The following SRPRB variants were observed in gnomAD, a reference collection of about 807,000 sequenced individuals.
SRPRB encodes SRP receptor subunit beta, also known as signal recognition particle receptor subunit beta.
Under a neutral mutation model 31.9 loss-of-function variants are expected in SRPRB, and 20 were observed. The ratio of observed to expected loss-of-function variants is 0.63; its 90% CI spans 0.44 to 0.91. The LOEUF (loss-of-function observed/expected upper bound fraction) is 0.91, where lower values mean the gene tolerates loss of function less well. SRPRB is among the 40% of genes least tolerant of loss of function. SRPRB has a pLI of 0.00. For synonymous variants in SRPRB, 146 were observed against 132.8 expected (o/e 1.10, Z -0.68); for missense variants, 321 against 324.9 (o/e 0.99, Z 0.09).
rs796412677 is a variant in SRPRB at position 133,809,488 on chromosome 3, GT to G, written c.328-1619del. On this transcript the variant is annotated intron_variant, in intron 3 of 6. Coordinates refer to ENST00000678299, the MANE Select transcript of SRPRB (RefSeq NM_001379313.1). ...TTTTAAATATCTTAGCGATATCTTTGTTTTTTTTTTCAATGATGACACTCTT... is the reference window on the plus strand; with the variant it reads ...TTTTAAATATCTTAGCGATATCTTTGTTTTTTTTTCAATGATGACACTCTT... 3.1e-3 allele frequency among the ~76,000 whole-genome samples: 452 copies of G among 147,932 alleles called. 1 individual carries two copies. The highest frequency in any genetic ancestry group is 5.2e-3 in the Non-Finnish European group (348 of 66,624).
chr3:133,805,756 GA>G (rs1935139164), upstream of SRPRB: 1 of 1,483,426 alleles, frequency 6.7e-7, no homozygotes, highest in Non-Finnish European at 9.0e-7. Flanking sequence ...TATGGCTTAG[GA>G]ACCACCATTC....
chr3:133,797,559 T>A (rs1934995692), intron 1 of SRPRB, among the ~76,000 whole-genome samples: 1 of 152,182 alleles, frequency 6.6e-6, no homozygotes, highest in African/African-American at 2.4e-5. Flanking sequence ...TTTTTGTGGT[T>A]GGTGTTATTT....
intron 5 of SRPRB, 85 bp from the exon 6 acceptor site, chr3:133,816,793 A>G (rs2107975008): frequency 9.5e-7 from 1 of 1,049,786 alleles, no homozygotes; most frequent in Non-Finnish European, 1.4e-6. Flanking sequence ...ACTGGTTTAA[A>G]TAGGAATTTT....
intron 6 of SRPRB, 70 bp downstream of exon 6, chr3:133,817,002 T>C: frequency 8.0e-7 from 1 of 1,249,146 alleles, no homozygotes; most frequent in Admixed American, 2.2e-5. Flanking sequence ...CATATTCATG[T>C]TTCTTTTGTT....
chr3:133,806,181 A>G (rs1268214764), intron 1 of SRPRB, among the ~76,000 whole-genome samples, 179 bp downstream of exon 1: 1 of 152,084 alleles, frequency 6.6e-6, no homozygotes, highest in Non-Finnish European at 1.5e-5. Flanking sequence ...GCTGGGCGTT[A>G]AGGGGGATGC....
chr3:133,787,719 T>C (rs1257181311), intron 1 of SRPRB: 1 of 152,206 alleles, frequency 6.6e-6, no homozygotes, highest in Non-Finnish European at 1.5e-5. Context: ...AATTTCAGTT[T>C]ATCCATTGCC....
chr3:133,819,890 A>T lies in SRPRB; in HGVS notation c.*124A>T. ...GTTAGAAACATTTCTTTGTTCTGGAAACAAAGTACTGTTGAAACCAGCTTG... is the reference window on the plus strand; with the variant it reads ...GTTAGAAACATTTCTTTGTTCTGGATACAAAGTACTGTTGAAACCAGCTTG... On this transcript the variant is annotated 3_prime_UTR_variant, in exon 7 of 7. Coordinates refer to ENST00000678299, the MANE Select transcript of SRPRB (RefSeq NM_001379313.1). 1 of 921,824 alleles carries T rather than the reference A, an allele frequency of 1.1e-6. No homozygotes were observed. The highest frequency in any genetic ancestry group is 1.6e-6 in the Non-Finnish European group (1 of 619,734). The allele number at this position is 921,824 out of a possible 1,614,324, so 57.1% of individuals were successfully genotyped here.
rs747452809 is a variant in SRPRB at position 133,805,973 on chromosome 3, T to G, written c.125T>G (p.Val42Gly). The change falls in exon 1 of 7, where the codon GTG becomes GGG. Residue 42 changes from valine (V) to glycine (G), a missense_variant. Coordinates refer to ENST00000678299, the MANE Select transcript of SRPRB (RefSeq NM_001379313.1). ...GACCCAACGCTGTTGTCAGTAGTGG[T>G]GGCGGTTCTTGCGGTGCTGCTGACG... The part of the protein sequence containing the change: ...QTDPTLLSVV[V>G]AVLAVLLTLV... 1.9e-6 allele frequency: 3 copies of G among 1,613,182 alleles called. No homozygotes were observed. The highest frequency in any genetic ancestry group is 3.3e-5 in the Admixed American group (2 of 59,950).
intron 1 of SRPRB, chr3:133,787,566 T>G (rs1330352402): frequency 6.6e-6 from 1 of 152,222 alleles, no homozygotes; most frequent in Non-Finnish European, 1.5e-5. Flanking sequence ...TTTTTGTAAA[T>G]AGCTTTTAAA....
intron 2 of SRPRB, among the ~76,000 whole-genome samples, chr3:133,807,225 C>G (rs1935178315): frequency 6.7e-6 from 1 of 149,102 alleles, no homozygotes; most frequent in Non-Finnish European, 1.5e-5. Context: ...TAAATTATTT[C>G]CCTTCCATTA....
intron 4 of SRPRB, among the ~76,000 whole-genome samples, chr3:133,814,239 C>G (rs1027604937): frequency 6.6e-5 from 10 of 151,022 alleles, no homozygotes; most frequent in African/African-American, 2.4e-4. Context: ...TTACGCCATT[C>G]TCCTGCCTCA....
chr3:133,814,296 TA>T (rs1324275681), intron 4 of SRPRB, among the ~76,000 whole-genome samples: 1 of 152,086 alleles, frequency 6.6e-6, no homozygotes, highest in Non-Finnish European at 1.5e-5. Context: ...CACACCAAGC[TA>T]ATTTTTTGTA....
intron 3 of SRPRB, 160 bp from the exon 4 acceptor site, chr3:133,810,957 T>A (rs1576382997): frequency 1.6e-6 from 1 of 610,882 alleles, no homozygotes; most frequent in East Asian, 3.2e-5. Context: ...CACTGTTACA[T>A]CCCCAGAACG....
At chr3:133,786,582 T>C (rs1934693059) in intron 1 of SRPRB, 1 of 152,248 alleles carries the variant, frequency 6.6e-6, no homozygotes, top group Non-Finnish European at 1.5e-5. Flanking sequence ...CATCTAGTCT[T>C]TCTAGATGTT....
intron 1 of SRPRB, chr3:133,788,781 G>C (rs1006919614): frequency 6.6e-6 from 1 of 152,196 alleles, no homozygotes; most frequent in Non-Finnish European, 1.5e-5. Context: ...TCCTATGTGT[G>C]GCGCAGCTCA....
downstream of SRPRB, chr3:133,827,092 T>A (rs953307087): frequency 6.6e-6 from 1 of 152,632 alleles, no homozygotes; most frequent in African/African-American, 2.4e-5. Context: ...AGCTCTGGCA[T>A]ACAGCCTCCT....
chr3:133,812,941 G>A (rs551484096), intron 4 of SRPRB, among the ~76,000 whole-genome samples: 33 of 152,118 alleles, frequency 2.2e-4, no homozygotes, highest in Non-Finnish European at 4.1e-4. Context: ...CCCTCACTGA[G>A]TATATCTTTT....
rs1351337995 is a variant in SRPRB, at chr3:133,815,618, G to T, written c.439G>T (p.Ala147Ser). 2 of 1,613,908 alleles carry T rather than the reference G, an allele frequency of 1.2e-6. No homozygotes were observed. The highest frequency in any genetic ancestry group is 2.2e-5 in the East Asian group (1 of 44,864). The change falls in exon 5 of 7, where the codon GCA becomes TCA. Residue 147 changes from alanine to serine, a missense_variant. By Grantham distance (99) the Ala-to-Ser change is moderately conservative. Coordinates refer to ENST00000678299, the MANE Select transcript of SRPRB (RefSeq NM_001379313.1). The part of the protein sequence containing the change: ...RAIVFVVDSA[A>S]FQREVKDVAE... ...TATTGTGTTTGTTGTGGATAGTGCA[G>T]CATTCCAGCGAGAGGTGAAAGATGT... is the stretch of plus-strand genomic sequence containing the variant.
upstream of SRPRB, among the ~76,000 whole-genome samples, chr3:133,801,793 T>C (rs1935066385): frequency 6.6e-6 from 1 of 152,228 alleles, no homozygotes; most frequent in African/African-American, 2.4e-5. Context: ...AGAAATGGAA[T>C]GTGGCATGAC....
Sources: gnomAD v4.1 joint callset for allele counts (sites outside exome capture counted in the v4.1 genomes callset) on GRCh38, gnomAD v4.1.1 for gene constraint, MANE v1.5 for transcripts, NCBI Gene and HGNC (gene_info 2026-07-23, HGNC 2026-07-21) for gene names.